LMX1B: variants seen among roughly 807,000 people sequenced by gnomAD.
The protein encoded by LMX1B is LIM homeobox transcription factor 1 beta, also known as LIM homeobox transcription factor 1-beta.
In LMX1B, 12 loss-of-function variants were observed where a neutral mutation model predicts 51.4. The ratio of observed to expected loss-of-function variants is 0.23; its 90% CI spans 0.15 to 0.38. The LOEUF is 0.38. Among genes scored for constraint, LMX1B ranks in the 10% least tolerant of loss-of-function variants. The pLI is 1.00. For synonymous variants in LMX1B, 237 were observed against 235.4 expected (o/e 1.01, Z -0.06); for missense variants, 445 against 571.1 (o/e 0.78, Z 2.25).
chr9:126,683,322 C>G (rs1375472740), intron 2 of LMX1B, among the ~76,000 whole-genome samples: 1 of 151,960 alleles, frequency 6.6e-6, no homozygotes, highest in Non-Finnish European at 1.5e-5. Flanking sequence ...CCCGCGGCCG[C>G]CGCATCAAAG....
chr9:126,625,354 G>C lies in LMX1B; in HGVS notation c.326+9785G>C, dbSNP rs773057996. On this transcript the variant is annotated intron_variant, in intron 2 of 7. Transcript: ENST00000373474. This position sits in a 1 kb window ranked among gnomAD's most constrained non-coding sequence, Gnocchi z 5.3. Reference sequence around the variant, plus strand: ...GTGACCCCACGACTAGAGGATGAATGGGGGGAGGGTTAGTGGGATGTGTTT... The same window carrying C: ...GTGACCCCACGACTAGAGGATGAATCGGGGGAGGGTTAGTGGGATGTGTTT... Among the ~76,000 whole-genome samples, 5 of 152,200 alleles carry C rather than the reference G, an allele frequency of 3.3e-5. No individual in the cohort carries two copies. Among genetic ancestry groups the C allele is most frequent in the Non-Finnish European group, 7.3e-5 (5 of 68,032 alleles).
chr9:126,687,211 C>T (rs1356169167), intron 2 of LMX1B, among the ~76,000 whole-genome samples: 3 of 133,276 alleles, frequency 2.3e-5, no homozygotes, highest in Non-Finnish European at 4.8e-5. Context: ...CGGGGATGAT[C>T]ATTCCCTTTT....
chr9:126,696,230 C>T (rs1019764050), intron 7 of LMX1B, 64 bp from the exon 8 acceptor site: 66 of 1,516,322 alleles, frequency 4.4e-5, no homozygotes, highest in Non-Finnish European at 5.6e-5. Context: ...GCCTACAGGG[C>T]AAACAGGGGG....
rs2030514771 is a variant in LMX1B at position 126,700,721 on chromosome 9, C to T, written c.*4270C>T. On this transcript the variant is annotated 3_prime_UTR_variant, in exon 8 of 8. Coordinates refer to ENST00000373474, the MANE Select transcript of LMX1B (RefSeq NM_001174147.2). The stretch of plus-strand genomic sequence containing the variant: ...TTGGAAGGCACCATTGCCAATGAGC[C>T]TCTTTGCTGGTTCCCCCGACCCCAC... The T allele has an allele frequency of 6.6e-6, 1 of 152,284 alleles. No homozygotes were observed. The highest frequency in any genetic ancestry group is 2.1e-4 in the South Asian group (1 of 4,838). 9.4% of individuals were successfully genotyped at this position (152,284 alleles called of 1,614,324 possible).
At position 126,677,149 on chromosome 9, in the gene LMX1B, C is replaced by T. The variant is rs1836578717; in HGVS notation, c.327-13687C>T. On this transcript the variant is annotated intron_variant, in intron 2 of 7. Coordinates refer to ENST00000373474, the MANE Select transcript of LMX1B (RefSeq NM_001174147.2). The surrounding 1 kb of genome is among the most constrained non-coding windows in gnomAD (Gnocchi z 5.0). ...CTGCCTCGCCTGCCCTTTGCCCGTCCCCAGCCAGAGCGCAGGAGACCCAGG... is the reference window on the plus strand; with the variant it reads ...CTGCCTCGCCTGCCCTTTGCCCGTCTCCAGCCAGAGCGCAGGAGACCCAGG... 6.6e-6 allele frequency among the ~76,000 whole-genome samples: 1 copy of T among 152,194 alleles called. No individual in the cohort carries two copies. The highest frequency in any genetic ancestry group is 2.4e-5 in the African/African-American group (1 of 41,450).
chr9:126,622,527 C>A (rs1171252283), intron 2 of LMX1B, among the ~76,000 whole-genome samples: 1 of 152,236 alleles, frequency 6.6e-6, no homozygotes, highest in Non-Finnish European at 1.5e-5. Context: ...CCAGGAACTT[C>A]AGCAGCGGTG....
At chr9:126,621,690 T>G (rs1835416167) in intron 2 of LMX1B, among the ~76,000 whole-genome samples, 1 of 145,984 alleles carries the variant, frequency 6.9e-6, no homozygotes, top group African/African-American at 2.7e-5. Flanking sequence ...TTGCAGTAAA[T>G]GTTTATTTGT....
rs981230148 is a variant in LMX1B, at chr9:126,696,867, G to A, written c.*416G>A. 2.5e-5 allele frequency: 6 copies of A among 243,420 alleles called. No homozygotes were observed. The highest frequency in any genetic ancestry group is 5.1e-5 in the Admixed American group (1 of 19,530). 15.1% of individuals were successfully genotyped at this position (243,420 alleles called of 1,614,324 possible). A position where few individuals can be genotyped will look rare whatever the true frequency, so the allele number is the denominator to read the frequency against. On this transcript the variant is annotated 3_prime_UTR_variant, in exon 8 of 8. Coordinates refer to ENST00000373474, the MANE Select transcript of LMX1B (RefSeq NM_001174147.2). Reference sequence around the variant, plus strand: ...GTCATGAGGCGGTGACCTGAGAAGCGTGTGTACCTGTGCCCCAGCAAGGGC... The same window carrying A: ...GTCATGAGGCGGTGACCTGAGAAGCATGTGTACCTGTGCCCCAGCAAGGGC...
chr9:126,633,913 G>C (rs530708602), intron 2 of LMX1B, among the ~76,000 whole-genome samples: 1 of 152,064 alleles, frequency 6.6e-6, no homozygotes, highest in Non-Finnish European at 1.5e-5. Flanking sequence ...AGGGGTAGTC[G>C]GCAGTCCAAA....
chr9:126,700,265 C>T lies in LMX1B; in HGVS notation c.*3814C>T, dbSNP rs2030494496. ...AAGGGGGTTGGTGCACGTGGCTGGG[C>T]ATCTTAGGAGGCTTCCTGAGGGTGG... On this transcript the variant is annotated 3_prime_UTR_variant, in exon 8 of 8. Transcript: ENST00000373474. 6.6e-6 allele frequency: 1 copy of T among 152,238 alleles called. No individual in the cohort carries two copies. Among genetic ancestry groups the T allele is most frequent in the Non-Finnish European group, 1.5e-5 (1 of 68,114 alleles). The allele number at this position is 152,238 out of a possible 1,614,324, so 9.4% of individuals were successfully genotyped here. A position where few individuals can be genotyped will look rare whatever the true frequency, so the allele number is the denominator to read the frequency against.
intron 2 of LMX1B, among the ~76,000 whole-genome samples, chr9:126,675,773 G>A (rs1004190301): frequency 6.7e-6 from 1 of 149,034 alleles, no homozygotes; most frequent in African/African-American, 2.5e-5. Flanking sequence ...CAGTAGGCCG[G>A]GCGCGGTGGC....
intron 2 of LMX1B, among the ~76,000 whole-genome samples, chr9:126,648,613 A>G (rs2118897001): frequency 6.6e-6 from 1 of 152,284 alleles, no homozygotes; most frequent in South Asian, 2.1e-4. Flanking sequence ...AATATAAAGC[A>G]AGGAGCACAG....
chr9:126,622,183 C>T (rs951467076), intron 2 of LMX1B, among the ~76,000 whole-genome samples: 5 of 152,074 alleles, frequency 3.3e-5, no homozygotes, highest in East Asian at 1.9e-4. Context: ...CAGCCCTGGA[C>T]GAATGTCCTG....
intron 2 of LMX1B, among the ~76,000 whole-genome samples, chr9:126,674,770 C>A (rs993859835): frequency 6.6e-5 from 10 of 152,216 alleles, no homozygotes; most frequent in Non-Finnish European, 1.5e-4. Context: ...TAACCCACCC[C>A]CTCTCCCACT....
At chr9:126,694,618 G>A (rs1328705358) in intron 6 of LMX1B, among the ~76,000 whole-genome samples, 1 of 152,206 alleles carries the variant, frequency 6.6e-6, no homozygotes, top group Non-Finnish European at 1.5e-5. Flanking sequence ...AGAGCTGCCT[G>A]CGCCCTGGTG....
At chr9:126,653,464 A>G (rs560400320) in intron 2 of LMX1B, among the ~76,000 whole-genome samples, 9 of 152,150 alleles carry the variant, frequency 5.9e-5, no homozygotes, top group African/African-American at 1.4e-4. Context: ...CCCTAAGTAG[A>G]TGCTTTTTAA....
chr9:126,693,048 G>T, intron 3 of LMX1B, 94 bp from the exon 4 acceptor site: 1 of 1,314,212 alleles, frequency 7.6e-7, no homozygotes. Context: ...AGAGGGGACA[G>T]GCTCCCATCG....
At chr9:126,696,216 C>A in intron 7 of LMX1B, 78 bp from the exon 8 acceptor site, 1 of 1,430,334 alleles carries the variant, frequency 7.0e-7, no homozygotes, top group Non-Finnish European at 9.9e-7. Context: ...CCTCCAGTCA[C>A]ACAGCCTACA....
intron 2 of LMX1B, among the ~76,000 whole-genome samples, chr9:126,636,874 C>T (rs1013679437): frequency 2.9e-4 from 44 of 152,138 alleles, no homozygotes; most frequent in Admixed American, 2.9e-3. Flanking sequence ...TGCATGCAGG[C>T]ACATGTATGT....
Sources: allele counts gnomAD v4.1 joint callset (sites outside exome capture counted in the v4.1 genomes callset), GRCh38; gene constraint gnomAD v4.1.1; non-coding constraint Gnocchi (gnomAD v3.1); transcripts MANE v1.5; gene names NCBI Gene and HGNC (gene_info 2026-07-23, HGNC 2026-07-21).